The following GRIK1 variants were observed in gnomAD, a reference collection of about 807,000 sequenced individuals.
The protein encoded by GRIK1 is glutamate receptor ionotropic, kainate 1.
Under a neutral mutation model 105.7 loss-of-function variants are expected in GRIK1, and 69 were observed. That is an observed-to-expected ratio of 0.65 (90% CI 0.54 to 0.80). GRIK1 has a LOEUF of 0.80. Ranked by LOEUF, GRIK1 falls within the 30% of genes least tolerant of loss-of-function variation. The pLI is 0.00. For synonymous variants in GRIK1, 438 were observed against 431.3 expected (o/e 1.02, Z -0.19); for missense variants, 1,109 against 1,167.3 (o/e 0.95, Z 0.73).
rs925049333 is a variant in GRIK1 at position 29,808,130 on chromosome 21, T to C, written c.119-114067A>G. Among the ~76,000 whole-genome samples, 3 of 152,150 alleles carry C rather than the reference T, an allele frequency of 2.0e-5. No homozygotes were observed. The South Asian group carries it at 6.2e-4, about 32-fold the overall frequency. On this transcript the variant is annotated intron_variant, in intron 1 of 17. Transcript: ENST00000327783. ...AGAAGAGCCCAGATTACCATTTTCA[T>C]AGAAATTTCCAGAATAAGGGAGGGA...
chr21:29,885,730 C>T (rs1173631250), intron 1 of GRIK1, among the ~76,000 whole-genome samples: 1 of 152,120 alleles, frequency 6.6e-6, no homozygotes, highest in African/African-American at 2.4e-5. Context: ...TGTGCCATCT[C>T]ATGTTAAGCA....
At chr21:29,790,379 T>C (rs2066380826) in intron 1 of GRIK1, among the ~76,000 whole-genome samples, 1 of 152,094 alleles carries the variant, frequency 6.6e-6, no homozygotes, top group African/African-American at 2.4e-5. Context: ...AGATACATAT[T>C]ACCAGTAAGA....
At chr21:29,710,831 C>G (rs534189999) in intron 1 of GRIK1, among the ~76,000 whole-genome samples, 89 of 114,256 alleles carry the variant, frequency 7.8e-4, no homozygotes, top group African/African-American at 2.9e-3. Context: ...TTCCTTCCTT[C>G]CTTCCTTCCT....
At chr21:29,684,187 G>A (rs900126725) in intron 3 of GRIK1, among the ~76,000 whole-genome samples, 5 of 152,042 alleles carry the variant, frequency 3.3e-5, no homozygotes, top group African/African-American at 1.2e-4. Context: ...TTTGTGTGTG[G>A]TTTATCCCCA....
intron 15 of GRIK1, among the ~76,000 whole-genome samples, chr21:29,558,073 C>T (rs1324922100): frequency 6.6e-6 from 1 of 152,090 alleles, no homozygotes; most frequent in African/African-American, 2.4e-5. Context: ...CTTAAATGCT[C>T]TTATTCTCTC....
Position 29,773,334 on chromosome 21 carries a change from T to C in GRIK1, c.119-79271A>G, listed in dbSNP as rs76079092. 7.2e-5 allele frequency among the ~76,000 whole-genome samples: 11 copies of C among 152,244 alleles called. No individual in the cohort carries two copies. The East Asian group carries it at 2.1e-3, about 29-fold the overall frequency. On this transcript the variant is annotated intron_variant, in intron 1 of 17. Coordinates refer to ENST00000327783, the MANE Select transcript of GRIK1 (RefSeq NM_001330994.2). ...GGCCCATGGCAGTATATTCTGAAAATAGTATTTCAAAATAAGCACTGACAA... is the reference window on the plus strand; with the variant it reads ...GGCCCATGGCAGTATATTCTGAAAACAGTATTTCAAAATAAGCACTGACAA...
intron 7 of GRIK1, among the ~76,000 whole-genome samples, chr21:29,610,554 A>C (rs1020524808): frequency 6.6e-6 from 1 of 152,204 alleles, no homozygotes; most frequent in African/African-American, 2.4e-5. Context: ...TCCATAAGCC[A>C]AGGATTACAG....
In GRIK1 at chr21:29,828,009, C is replaced by CTG. The variant is rs1178198657; in HGVS notation, c.118+111373_118+111374insCA. 2.6e-3 allele frequency among the ~76,000 whole-genome samples: 177 copies of CTG among 68,418 alleles called. No homozygotes were observed. In the East Asian group the frequency reaches 0.043, roughly 17 times the overall value. 44.9% of individuals were successfully genotyped at this position (68,418 alleles called of 152,430 possible). ...TCTCTCTCTCTCTCTCTCTGTCTCT[C>CTG]TCTGTGTGTGTGTGTGTGTGTGTGT... On this transcript the variant is annotated intron_variant, in intron 1 of 17. Coordinates refer to ENST00000327783, the MANE Select transcript of GRIK1 (RefSeq NM_001330994.2).
intron 1 of GRIK1, among the ~76,000 whole-genome samples, chr21:29,699,298 C>G (rs1007027729): frequency 2.0e-5 from 3 of 152,174 alleles, no homozygotes; most frequent in African/African-American, 7.2e-5. Context: ...GAAATAGTGT[C>G]TTTAAAACAG....
intron 1 of GRIK1, among the ~76,000 whole-genome samples, chr21:29,817,377 T>C (rs2067182330): frequency 1.3e-5 from 2 of 152,076 alleles, no homozygotes; most frequent in African/African-American, 4.8e-5. Context: ...CGAAAACAAA[T>C]TAAAATTTTG....
At chr21:29,875,769 A>C (rs1485220493) in intron 1 of GRIK1, among the ~76,000 whole-genome samples, 1 of 152,210 alleles carries the variant, frequency 6.6e-6, no homozygotes, top group Non-Finnish European at 1.5e-5. Flanking sequence ...AATCTCAGAA[A>C]TATCCATCGG....
intron 1 of GRIK1, among the ~76,000 whole-genome samples, chr21:29,698,035 TTCTC>T (rs2063744048): frequency 6.6e-6 from 1 of 151,528 alleles, no homozygotes; most frequent in African/African-American, 2.4e-5. Context: ...CTCCCTTTCT[TTCTC>T]TCTCTCTGTC....
intron 12 of GRIK1, among the ~76,000 whole-genome samples, chr21:29,586,413 A>G (rs2091132030): frequency 6.6e-6 from 1 of 152,218 alleles, no homozygotes. Flanking sequence ...GCATTAATCA[A>G]AACCAGACAG....
chr21:29,542,707 A>G (rs942460806), intron 16 of GRIK1, among the ~76,000 whole-genome samples: 1 of 152,230 alleles, frequency 6.6e-6, no homozygotes, highest in Non-Finnish European at 1.5e-5. Flanking sequence ...ATTGGTAGGT[A>G]TAGGTAAACA....
intron 12 of GRIK1, among the ~76,000 whole-genome samples, chr21:29,586,390 A>G (rs2091131515): frequency 6.6e-6 from 1 of 152,184 alleles, no homozygotes; most frequent in Admixed American, 6.5e-5. Flanking sequence ...TACACCAGGG[A>G]AAGAGTTACC....
intron 1 of GRIK1, among the ~76,000 whole-genome samples, chr21:29,785,494 G>A (rs2066233406): frequency 6.7e-6 from 1 of 148,988 alleles, no homozygotes; most frequent in Non-Finnish European, 1.5e-5. Flanking sequence ...AACCTGGGAG[G>A]CAGAGGTTGC....
chr21:29,588,306 G>A (rs1233932653), intron 11 of GRIK1, among the ~76,000 whole-genome samples: 1 of 152,096 alleles, frequency 6.6e-6, no homozygotes, highest in African/African-American at 2.4e-5. Flanking sequence ...ATATAATATG[G>A]TTTGGTTCTG....
chr21:29,729,165 C>G (rs919073602), intron 1 of GRIK1, among the ~76,000 whole-genome samples: 5 of 152,094 alleles, frequency 3.3e-5, no homozygotes, highest in Admixed American at 6.5e-5. Context: ...TTTTTGTAAC[C>G]CTGGGCTTCA....
At chr21:29,795,989 C>T (rs1482269034) in intron 1 of GRIK1, among the ~76,000 whole-genome samples, 1 of 152,150 alleles carries the variant, frequency 6.6e-6, no homozygotes, top group Non-Finnish European at 1.5e-5. Context: ...GAAATGGCCA[C>T]ATTTGTACAT....
Sources: gnomAD v4.1 joint callset for allele counts (sites outside exome capture counted in the v4.1 genomes callset) on GRCh38, gnomAD v4.1.1 for gene constraint, MANE v1.5 for transcripts, NCBI Gene and HGNC (gene_info 2026-07-23, HGNC 2026-07-21) for gene names.